ADGRL2: variants seen among roughly 807,000 people sequenced by gnomAD.
ADGRL2 encodes the protein adhesion G protein-coupled receptor L2.
Under a neutral mutation model 157.4 loss-of-function variants are expected in ADGRL2, and 44 were observed. The ratio of observed to expected loss-of-function variants is 0.28; its 90% CI spans 0.22 to 0.36. The LOEUF (loss-of-function observed/expected upper bound fraction) is 0.36. ADGRL2 is among the 10% of genes least tolerant of loss of function. The pLI, the probability that ADGRL2 is intolerant of heterozygous loss-of-function variation, is 1.00. For missense variants in ADGRL2, 1,510 were observed against 1,768.9 expected, an observed-to-expected ratio of 0.85 and a Z score of 2.63; for synonymous variants, 585 against 624.7, an observed-to-expected ratio of 0.94 and a Z score of 0.95.
intron 1 of ADGRL2, among the ~76,000 whole-genome samples, chr1:81,822,369 AAAT>A (rs966138089): frequency 5.9e-5 from 9 of 151,650 alleles, no homozygotes; most frequent in Admixed American, 2.0e-4. Flanking sequence ...TGCAAGAAAA[AAAT>A]CTTTAATTTT....
intron 2 of ADGRL2, among the ~76,000 whole-genome samples, chr1:81,556,219 G>T (rs1003825851): frequency 6.6e-6 from 1 of 151,082 alleles, no homozygotes; most frequent in Non-Finnish European, 1.5e-5. Flanking sequence ...AAACAAGAGC[G>T]AATTTACATA....
At chr1:81,564,972 TAAG>T (rs2080526770) in intron 2 of ADGRL2, among the ~76,000 whole-genome samples, 1 of 152,190 alleles carries the variant, frequency 6.6e-6, no homozygotes, top group Non-Finnish European at 1.5e-5. Context: ...GTAATTCTGA[TAAG>T]GAGTCATCTA....
chr1:81,557,452 A>AAAGAAAGAAAG (rs1557458616), intron 2 of ADGRL2: 21 of 55,546 alleles, frequency 3.8e-4, no homozygotes, highest in Non-Finnish European at 8.4e-4. Flanking sequence ...AGAAAGAGAG[A>AAAGAAAGAAAG]AAGAAAGAAA....
At chr1:81,772,910 G>T (rs2086433435) in intron 2 of ADGRL2, among the ~76,000 whole-genome samples, 1 of 152,008 alleles carries the variant, frequency 6.6e-6, no homozygotes, top group South Asian at 2.1e-4. Flanking sequence ...TACTAAAAAT[G>T]ATACATATTA....
chr1:81,527,316 G>A (rs1295276121), intron 2 of ADGRL2, among the ~76,000 whole-genome samples: 2 of 152,122 alleles, frequency 1.3e-5, no homozygotes, highest in Non-Finnish European at 2.9e-5. Context: ...TTCATATGTT[G>A]AAACTTACTC....
intron 1 of ADGRL2, among the ~76,000 whole-genome samples, chr1:81,718,952 G>T (rs1025616107): frequency 3.3e-5 from 5 of 152,216 alleles, no homozygotes; most frequent in Non-Finnish European, 7.3e-5. Flanking sequence ...TTAATGAAAA[G>T]AGCATTTGAA....
intron 1 of ADGRL2, among the ~76,000 whole-genome samples, chr1:81,834,823 C>T (rs2092181444): frequency 6.6e-6 from 1 of 152,068 alleles, no homozygotes; most frequent in African/African-American, 2.4e-5. Flanking sequence ...TACATGGTCT[C>T]ATAATTGAAT....
rs190370571 is a variant in ADGRL2 at position 81,836,207 on chromosome 1, C to T, written c.-100-678C>T. Among the ~76,000 whole-genome samples the T allele has an allele frequency of 1.5e-4, 23 of 152,056 alleles. No homozygotes were observed. The East Asian group carries it at 4.3e-3, about 28-fold the overall frequency. Reference sequence around the variant, plus strand: ...ACTTTGTAAAACTCTTTAGTTGCAGCAGGTTAAGGATAACTGGAGAAAACT... The same window carrying T: ...ACTTTGTAAAACTCTTTAGTTGCAGTAGGTTAAGGATAACTGGAGAAAACT... On this transcript the variant is annotated intron_variant, in intron 1 of 23. Coordinates refer to ENST00000686636, the MANE Select transcript of ADGRL2 (RefSeq NM_001366006.2).
intron 3 of ADGRL2, chr1:81,586,470 C>A (rs1267212146): frequency 6.6e-6 from 1 of 152,042 alleles, no homozygotes; most frequent in Non-Finnish European, 1.5e-5. Context: ...AATGCAGGGC[C>A]TTTTTATTAT....
Position 81,966,428 on chromosome 1 carries a change from T to C in ADGRL2, c.2168T>C (p.Ile723Thr). The C allele has an allele frequency of 1.9e-6, 3 of 1,614,114 alleles. No homozygotes were observed. Among genetic ancestry groups the C allele is most frequent in the Non-Finnish European group, 2.5e-6 (3 of 1,180,004 alleles). ...GGGCTTGCAAAGTTGGTGTTCATCA[T>C]TTACCGGAGCCTGGGACAGTTCCTT... ...RNGLAKLVFI[I>T]YRSLGQFLST... Residue 723 changes from isoleucine (I) to threonine (T), a missense_variant, in exon 13 of 24, where the codon ATT becomes ACT. By Grantham distance (89) the Ile-to-Thr change is moderately conservative. Coordinates refer to ENST00000686636, the MANE Select transcript of ADGRL2 (RefSeq NM_001366006.2).
At chr1:81,588,627 G>A (rs1319530999) in intron 3 of ADGRL2, among the ~76,000 whole-genome samples, 1 of 152,072 alleles carries the variant, frequency 6.6e-6, no homozygotes, top group Non-Finnish European at 1.5e-5. Flanking sequence ...CATAACTTAG[G>A]AGTCTAAGCA....
rs527883731 is a variant in ADGRL2 at position 81,523,836 on chromosome 1, G to A, written c.-247-57040G>A. ...CCCAGCACTTTGGGAGGCCGAAGTGGGCGGATCACAAGGTCAGGAGTTCAA... is the reference window on the plus strand; with the variant it reads ...CCCAGCACTTTGGGAGGCCGAAGTGAGCGGATCACAAGGTCAGGAGTTCAA... On this transcript the variant is annotated intron_variant, in intron 2 of 24. Transcript: ENST00000370721. Among the ~76,000 whole-genome samples, 3 of 152,114 alleles carry A rather than the reference G, an allele frequency of 2.0e-5. No individual in the cohort carries two copies. In the South Asian group the frequency reaches 6.2e-4, roughly 32 times the overall value.
In ADGRL2 at chr1:81,774,674, A is replaced by C. The variant is rs559771443; in HGVS notation, c.-101+12822A>C. ...TTCCACCATTGTTAGCTCAGTGTTT[A>C]GTACTATGTCATTCATTATCACAGT... On this transcript the variant is annotated intron_variant, in intron 2 of 20. Coordinates refer to the ADGRL2 transcript ENST00000359929. 2.2e-4 allele frequency among the ~76,000 whole-genome samples: 33 copies of C among 152,276 alleles called. 1 individual carries two copies. The highest frequency in any genetic ancestry group is 7.2e-4 in the African/African-American group (30 of 41,560).
intron 1 of ADGRL2, among the ~76,000 whole-genome samples, chr1:81,412,832 T>A (rs1293655309): frequency 6.6e-6 from 1 of 152,186 alleles, no homozygotes; most frequent in Non-Finnish European, 1.5e-5. Context: ...GTCCAATGTG[T>A]GTGCCAGTTT....
At chr1:81,963,549 T>G (rs1656128373) in intron 11 of ADGRL2, among the ~76,000 whole-genome samples, 1 of 151,960 alleles carries the variant, frequency 6.6e-6, no homozygotes, top group South Asian at 2.1e-4. Context: ...ATAAGAAAAC[T>G]TCTATCTGGT....
In ADGRL2 at chr1:81,910,232, C is replaced by T. The variant is rs185730253; in HGVS notation, c.287+3002C>T. Reference sequence around the variant, plus strand: ...CCAACCTGGGCAACGGAGTGAGACTCTGCCTAAAAAACAATAATAATAATA... The same window carrying T: ...CCAACCTGGGCAACGGAGTGAGACTTTGCCTAAAAAACAATAATAATAATA... On this transcript the variant is annotated intron_variant, in intron 3 of 23. Transcript: ENST00000686636. Among the ~76,000 whole-genome samples, 7 of 107,040 alleles carry T rather than the reference C, an allele frequency of 6.5e-5. No homozygotes were observed. The East Asian group carries it at 4.6e-3, about 71-fold the overall frequency. 70.2% of individuals were successfully genotyped at this position (107,040 alleles called of 152,430 possible).
At chr1:81,376,575 C>A (rs141284462) in intron 1 of ADGRL2, among the ~76,000 whole-genome samples, 1 of 151,638 alleles carries the variant, frequency 6.6e-6, no homozygotes, top group African/African-American at 2.4e-5. Flanking sequence ...TTCCTTCCCT[C>A]CTTCCTTCCT....
chr1:81,477,321 C>T (rs2078293488), intron 2 of ADGRL2, among the ~76,000 whole-genome samples: 1 of 152,226 alleles, frequency 6.6e-6, no homozygotes, highest in African/African-American at 2.4e-5. Context: ...ACTATCCTGA[C>T]AGCCAATAAT....
chr1:81,588,718 C>T (rs536027212), intron 3 of ADGRL2, among the ~76,000 whole-genome samples: 1 of 152,266 alleles, frequency 6.6e-6, no homozygotes, highest in East Asian at 1.9e-4. Flanking sequence ...TACCAAGATG[C>T]GGCTCAACAG....
Sources: allele counts gnomAD v4.1 joint callset (sites outside exome capture counted in the v4.1 genomes callset), GRCh38; gene constraint gnomAD v4.1.1; transcripts MANE v1.5; gene names NCBI Gene and HGNC (gene_info 2026-07-23, HGNC 2026-07-21).